FLRT2: variants seen among roughly 807,000 people sequenced by gnomAD.
FLRT2 encodes leucine-rich repeat transmembrane protein FLRT2.
Under a neutral mutation model 40.0 loss-of-function variants are expected in FLRT2, and 15 were observed. The ratio of observed to expected loss-of-function variants is 0.38; its 90% CI spans 0.25 to 0.58. The LOEUF is 0.58. Among genes scored for constraint, FLRT2 ranks in the 20% least tolerant of loss-of-function variants. FLRT2 has a pLI of 0.71. For missense variants in FLRT2, 726 were observed against 840.0 expected (o/e 0.86, Z 1.68); for synonymous variants, 380 against 336.8 (o/e 1.13, Z -1.41).
In FLRT2 at chr14:85,643,342, T is replaced by TTCCTTCCTTCCTTC. The variant is rs879862266; in HGVS notation, c.*19845_*19846insTCCTTCCTTCCTTC. ...TTCTTTCTTTCTTTCTTTCTTTCTT[T>TTCCTTCCTTCCTTC]CTTTCTTTCTTTCTTCCTTCCTTCC... On this transcript the variant is annotated 3_prime_UTR_variant, in exon 2 of 2. Coordinates refer to ENST00000330753, the MANE Select transcript of FLRT2 (RefSeq NM_013231.6). 9 of 85,138 alleles carry TTCCTTCCTTCCTTC rather than the reference T, an allele frequency of 1.1e-4. No homozygotes were observed. Among genetic ancestry groups the TTCCTTCCTTCCTTC allele is most frequent in the African/African-American group, 4.0e-4 (9 of 22,336 alleles). The allele number at this position is 85,138 out of a possible 1,614,324, so 5.3% of individuals were successfully genotyped here. A position where few individuals can be genotyped will look rare whatever the true frequency, so the allele number is the denominator to read the frequency against.
chr14:85,600,877 G>T (rs1294311517), intron 1 of FLRT2, among the ~76,000 whole-genome samples: 2 of 152,178 alleles, frequency 1.3e-5, no homozygotes, highest in Non-Finnish European at 2.9e-5. Flanking sequence ...TGTGACTTAT[G>T]TGTTATGCTG....
Position 85,593,636 on chromosome 14 carries a change from C to T in FLRT2, c.-376-27503C>T, listed in dbSNP as rs543639035. On this transcript the variant is annotated intron_variant, in intron 1 of 1. Transcript: ENST00000330753. ...AATTCTTCACTCTTTACAACATTGC[C>T]AACCTTCTACTGTTTCTTTTGGCTA... Among the ~76,000 whole-genome samples the T allele has an allele frequency of 6.6e-5, 10 of 152,288 alleles. No homozygotes were observed. In the South Asian group the frequency reaches 2.1e-3, roughly 32 times the overall value.
At chr14:85,580,878 T>A (rs1422570467) in intron 1 of FLRT2, among the ~76,000 whole-genome samples, 1 of 152,154 alleles carries the variant, frequency 6.6e-6, no homozygotes, top group Non-Finnish European at 1.5e-5. Context: ...TTTTAAAGAA[T>A]AAATGTGGAA....
rs1030812885 is a variant in FLRT2, at chr14:85,639,979, G to C, written c.*16482G>C. On this transcript the variant is annotated 3_prime_UTR_variant, in exon 2 of 2. Transcript: ENST00000330753. ...TTCTCCTGCCTCAGTCTCCCGAGTA[G>C]CTGGGACTACAGGCTCCTGCCACCA... 23 of 151,376 alleles carry C rather than the reference G, an allele frequency of 1.5e-4. No homozygotes were observed. Among genetic ancestry groups the C allele is most frequent in the African/African-American group, 5.4e-4 (22 of 41,106 alleles). 9.4% of individuals were successfully genotyped at this position (151,376 alleles called of 1,614,324 possible).
rs1894285244 is a variant in FLRT2 at position 85,645,800 on chromosome 14, C to G, written c.*22303C>G. The G allele has an allele frequency of 1.3e-5, 2 of 152,162 alleles. No individual in the cohort carries two copies. The highest frequency in any genetic ancestry group is 1.3e-4 in the Admixed American group (2 of 15,276). The allele number at this position is 152,162 out of a possible 1,614,324, so 9.4% of individuals were successfully genotyped here. ...TTCATGAATGAAAAGTTTATGATAG[C>G]AAAGATGTTGGTAACATATGCATTC... On this transcript the variant is annotated 3_prime_UTR_variant, in exon 2 of 2. Coordinates refer to ENST00000330753, the MANE Select transcript of FLRT2 (RefSeq NM_013231.6).
chr14:85,580,692 C>T (rs979937181), intron 1 of FLRT2, among the ~76,000 whole-genome samples: 6 of 152,132 alleles, frequency 3.9e-5, no homozygotes, highest in African/African-American at 1.4e-4. Flanking sequence ...CATCAGAAAA[C>T]AGTCAGCAGA....
chr14:85,556,876 G>C (rs1889994993), intron 1 of FLRT2, among the ~76,000 whole-genome samples: 1 of 152,190 alleles, frequency 6.6e-6, no homozygotes, highest in African/African-American at 2.4e-5. Flanking sequence ...GGAAGAAAAA[G>C]AGGTTTAATT....
chr14:85,630,884 A>G lies in FLRT2; in HGVS notation c.*7387A>G, dbSNP rs1893849915. 6.6e-6 allele frequency: 1 copy of G among 151,806 alleles called. No individual in the cohort carries two copies. Among genetic ancestry groups the G allele is most frequent in the South Asian group, 2.1e-4 (1 of 4,818 alleles). The allele number at this position is 151,806 out of a possible 1,614,324, so 9.4% of individuals were successfully genotyped here. A position where few individuals can be genotyped will look rare whatever the true frequency, so the allele number is the denominator to read the frequency against. On this transcript the variant is annotated 3_prime_UTR_variant, in exon 2 of 2. Transcript: ENST00000330753. ...GTCTTTTTCTAATTTAGCCTTTCCA[A>G]CACATTGAAGGACAAAGGGTAATCA... is the stretch of plus-strand genomic sequence containing the variant.
intron 1 of FLRT2, among the ~76,000 whole-genome samples, chr14:85,540,298 G>C (rs1888910662): frequency 1.3e-5 from 2 of 152,174 alleles, no homozygotes; most frequent in African/African-American, 4.8e-5. Context: ...AATTTATTAT[G>C]AAGCCAACGT....
At chr14:85,561,820 G>A (rs1475647330) in intron 1 of FLRT2, among the ~76,000 whole-genome samples, 1 of 152,186 alleles carries the variant, frequency 6.6e-6, no homozygotes, top group East Asian at 1.9e-4. Context: ...AAAATCATTA[G>A]TTCTTTAGAT....
In FLRT2 at chr14:85,648,921, ATTT is replaced by A. The variant is rs923971977; in HGVS notation, c.*25426_*25428del. 6.6e-6 allele frequency: 1 copy of A among 152,176 alleles called. No homozygotes were observed. Among genetic ancestry groups the A allele is most frequent in the African/African-American group, 2.4e-5 (1 of 41,460 alleles). The allele number at this position is 152,176 out of a possible 1,614,324, so 9.4% of individuals were successfully genotyped here. A position where few individuals can be genotyped will look rare whatever the true frequency, so the allele number is the denominator to read the frequency against. On this transcript the variant is annotated 3_prime_UTR_variant, in exon 2 of 2. Transcript: ENST00000330753. ...AAATAACATTTTTCTGAATGAATAG[ATTT>A]TAAACCATGTGTGAGCAGTCACAGA...
intron 1 of FLRT2, among the ~76,000 whole-genome samples, chr14:85,539,657 C>T (rs1486788454): frequency 6.6e-6 from 1 of 152,160 alleles, no homozygotes; most frequent in African/African-American, 2.4e-5. Flanking sequence ...CAGAGTTCAA[C>T]AGAGTTGTTG....
rs1435119288 is a variant in FLRT2 at position 85,633,871 on chromosome 14, T to C, written c.*10374T>C. The C allele has an allele frequency of 1.3e-5, 2 of 152,208 alleles. No individual in the cohort carries two copies. Among genetic ancestry groups the C allele is most frequent in the Non-Finnish European group, 2.9e-5 (2 of 68,054 alleles). The allele number at this position is 152,208 out of a possible 1,614,324, so 9.4% of individuals were successfully genotyped here. On this transcript the variant is annotated 3_prime_UTR_variant, in exon 2 of 2. Transcript: ENST00000330753. ...TATAATTTCTAGTAAGACATAGTTTTATTTGATGCTAGTACACCACCAATT... is the reference window on the plus strand; with the variant it reads ...TATAATTTCTAGTAAGACATAGTTTCATTTGATGCTAGTACACCACCAATT...
intron 1 of FLRT2, 129 bp downstream of exon 1, chr14:85,530,663 G>A (rs1268868791): frequency 3.3e-5 from 5 of 152,288 alleles, no homozygotes; most frequent in African/African-American, 9.7e-5. Flanking sequence ...CTTAAGTGGG[G>A]TGCTCTAGGC....
rs1566777364 is a variant in FLRT2, at chr14:85,654,045, T to A, written c.*30548T>A. Reference sequence around the variant, plus strand: ...TGTATGGTCTTGTTTTTTGAGGTCGTCTGATGAAATCAGAATGATTTCACT... The same window carrying A: ...TGTATGGTCTTGTTTTTTGAGGTCGACTGATGAAATCAGAATGATTTCACT... On this transcript the variant is annotated 3_prime_UTR_variant, in exon 2 of 2. Coordinates refer to ENST00000330753, the MANE Select transcript of FLRT2 (RefSeq NM_013231.6). 1 of 152,178 alleles carries A rather than the reference T, an allele frequency of 6.6e-6. No individual in the cohort carries two copies. Among genetic ancestry groups the A allele is most frequent in the African/African-American group, 2.4e-5 (1 of 41,458 alleles). 9.4% of individuals were successfully genotyped at this position (152,178 alleles called of 1,614,324 possible).
intron 1 of FLRT2, among the ~76,000 whole-genome samples, chr14:85,533,976 C>T (rs61981997): frequency 0.19 from 28,763 of 152,144 alleles, 3,220 homozygotes; most frequent in Non-Finnish European, 0.24. Context: ...TGGAAGGAGA[C>T]CTCGAGAACC....
intron 1 of FLRT2, among the ~76,000 whole-genome samples, chr14:85,572,559 T>C (rs1324869237): frequency 5.9e-5 from 9 of 152,218 alleles, no homozygotes; most frequent in Non-Finnish European, 1.2e-4. Flanking sequence ...TAACTGATTA[T>C]AAGACAGTTA....
chr14:85,647,992 C>G lies in FLRT2; in HGVS notation c.*24495C>G, dbSNP rs1894348160. On this transcript the variant is annotated 3_prime_UTR_variant, in exon 2 of 2. Coordinates refer to ENST00000330753, the MANE Select transcript of FLRT2 (RefSeq NM_013231.6). ...CTTTGCCTTGTTATGCATGTACTGA[C>G]TTTTTACCTCTTTCTTTTTCCCTAC... 1 of 152,070 alleles carries G rather than the reference C, an allele frequency of 6.6e-6. No individual in the cohort carries two copies. Among genetic ancestry groups the G allele is most frequent in the South Asian group, 2.1e-4 (1 of 4,828 alleles). The allele number at this position is 152,070 out of a possible 1,614,324, so 9.4% of individuals were successfully genotyped here.
chr14:85,534,510 A>G (rs960865155), intron 1 of FLRT2, among the ~76,000 whole-genome samples: 7 of 152,146 alleles, frequency 4.6e-5, no homozygotes, highest in Non-Finnish European at 8.8e-5. Flanking sequence ...ACCTTCTGGC[A>G]TCATAAAATA....
Sources: gnomAD v4.1 joint callset for allele counts (sites outside exome capture counted in the v4.1 genomes callset) on GRCh38, gnomAD v4.1.1 for gene constraint, MANE v1.5 for transcripts, NCBI Gene and HGNC (gene_info 2026-07-23, HGNC 2026-07-21) for gene names.